NEK10: variants seen among roughly 807,000 people sequenced by gnomAD.
The protein encoded by NEK10 is NIMA related kinase 10, also known as serine/threonine-protein kinase Nek10.
A neutral mutation model predicts 159.8 loss-of-function variants in NEK10; 122 were observed. That is an observed-to-expected ratio of 0.76 (90% confidence interval 0.66 to 0.89). NEK10 has a LOEUF of 0.89. Ranked by LOEUF, NEK10 falls within the 40% of genes least tolerant of loss-of-function variation. The probability of loss-of-function intolerance (pLI) is 0.00; values close to 1 mark genes in which losing one functional copy is unlikely to be tolerated. For missense variants in NEK10, 1,342 were observed against 1,323.1 expected, an observed-to-expected ratio of 1.01 and a Z score of -0.22; for synonymous variants, 466 against 457.1, an observed-to-expected ratio of 1.02 and a Z score of -0.25.
intron 13 of NEK10, 54 bp from the exon 14 acceptor site, chr3:27,297,294 T>C (rs1559454140): frequency 8.6e-7 from 1 of 1,168,288 alleles, no homozygotes; most frequent in East Asian, 2.4e-5. Context: ...AAATATACTA[T>C]CACATAAATA....
chr3:27,299,337 G>A (rs2043616458), intron 13 of NEK10, among the ~76,000 whole-genome samples: 1 of 152,206 alleles, frequency 6.6e-6, no homozygotes, highest in Admixed American at 6.5e-5. Flanking sequence ...ATGTGGTGTT[G>A]AGTCTGCTTG....
chr3:27,308,864 T>C (rs769056060), intron 10 of NEK10, 62 bp downstream of exon 10: 3 of 709,192 alleles, frequency 4.2e-6, no homozygotes, highest in African/African-American at 3.6e-5. Flanking sequence ...TTATTTTGCA[T>C]CCTTACCACC....
chr3:27,315,693 A>C (rs1333316964), intron 6 of NEK10, among the ~76,000 whole-genome samples: 2 of 152,250 alleles, frequency 1.3e-5, no homozygotes, highest in African/African-American at 4.8e-5. Flanking sequence ...TGTAGATGGC[A>C]GGAGTGCTCT....
chr3:27,340,198 T>C (rs912789063), intron 5 of NEK10, among the ~76,000 whole-genome samples: 1 of 152,214 alleles, frequency 6.6e-6, no homozygotes, highest in Non-Finnish European at 1.5e-5. Flanking sequence ...TGAGTTCATG[T>C]CCTTTGCAGA....
intron 22 of NEK10, among the ~76,000 whole-genome samples, chr3:27,262,351 T>A (rs1268643862): frequency 2.0e-5 from 3 of 152,168 alleles, no homozygotes; most frequent in African/African-American, 7.2e-5. Context: ...TGGCGTTCTC[T>A]GTATTTCCTG....
At chr3:27,154,146 A>G (rs1945166457) in intron 30 of NEK10, among the ~76,000 whole-genome samples, 1 of 152,238 alleles carries the variant, frequency 6.6e-6, no homozygotes, top group Non-Finnish European at 1.5e-5. Flanking sequence ...TGGAAATACA[A>G]AACATCATTC....
chr3:27,217,073 C>T (rs1244753495), intron 23 of NEK10, among the ~76,000 whole-genome samples: 3 of 152,108 alleles, frequency 2.0e-5, no homozygotes, highest in African/African-American at 7.2e-5. Context: ...TACTGACAGG[C>T]TTCTTAGAAA....
At chr3:27,171,136 G>C (rs1559547201) in intron 29 of NEK10, among the ~76,000 whole-genome samples, 1 of 152,162 alleles carries the variant, frequency 6.6e-6, no homozygotes, top group Non-Finnish European at 1.5e-5. Flanking sequence ...TGCCAGTGAA[G>C]GTCAGGAGAA....
At chr3:27,192,582 C>A (rs904665671) in intron 25 of NEK10, among the ~76,000 whole-genome samples, 1 of 134,806 alleles carries the variant, frequency 7.4e-6, no homozygotes, top group Admixed American at 7.6e-5. Context: ...TCACTGCCAA[C>A]TCACTGGCAG....
At chr3:27,285,727 G>T (rs1426332478) in intron 20 of NEK10, among the ~76,000 whole-genome samples, 1 of 152,030 alleles carries the variant, frequency 6.6e-6, no homozygotes, top group Non-Finnish European at 1.5e-5. Context: ...TGAAACCTTG[G>T]GATGTATACA....
rs145644088 is a variant in NEK10 at position 27,314,471 on chromosome 3, C to T, written c.448-133G>A. The T allele has an allele frequency of 1.2e-3, 757 of 639,776 alleles. 4 individuals carry two copies. The highest frequency in any genetic ancestry group is 5.2e-3 in the East Asian group (190 of 36,446). 39.6% of individuals were successfully genotyped at this position (639,776 alleles called of 1,614,324 possible). A position where few individuals can be genotyped will look rare whatever the true frequency, so the allele number is the denominator to read the frequency against. On this transcript the variant is annotated intron_variant, in intron 6 of 35. Transcript: ENST00000691995. ...GAAGGTCTACATTCTAATATAAATA[C>T]GGAAAACTTACAGTATGTCATTCAT...
At chr3:27,259,954 C>G (rs1052229994) in intron 22 of NEK10, among the ~76,000 whole-genome samples, 1 of 152,080 alleles carries the variant, frequency 6.6e-6, no homozygotes, top group Non-Finnish European at 1.5e-5. Flanking sequence ...AAGTTGGATT[C>G]CTAGGTATTT....
chr3:27,121,355 T>C (rs1941275701), intron 32 of NEK10, among the ~76,000 whole-genome samples: 1 of 152,138 alleles, frequency 6.6e-6, no homozygotes, highest in Non-Finnish European at 1.5e-5. Flanking sequence ...TTCTTAGAAA[T>C]TTTCATCATC....
chr3:27,162,063 G>A (rs1324647629), intron 30 of NEK10, among the ~76,000 whole-genome samples: 2 of 152,034 alleles, frequency 1.3e-5, no homozygotes, highest in Admixed American at 6.6e-5. Flanking sequence ...TTTGTGTAAG[G>A]GTAGAGGAGA....
intron 30 of NEK10, among the ~76,000 whole-genome samples, chr3:27,150,566 A>G (rs187998550): frequency 3.3e-5 from 5 of 152,330 alleles, no homozygotes; most frequent in Admixed American, 3.3e-4. Context: ...AACTCTTGAG[A>G]TCTACTGCCC....
chr3:27,313,714 G>A (rs758941771), intron 7 of NEK10, among the ~76,000 whole-genome samples: 29 of 151,958 alleles, frequency 1.9e-4, no homozygotes, highest in East Asian at 1.7e-3. Flanking sequence ...TCCAGCCATC[G>A]CCCCTTTTGT....
Position 27,191,303 on chromosome 3 carries a change from A to C in NEK10, c.2505+726T>G, listed in dbSNP as rs76514031. The stretch of plus-strand genomic sequence containing the variant: ...GGGCCCACCCCCAGAACAGGAAAAA[A>C]AAAAAAAGGATGAAAGTCCCCTTAC... On this transcript the variant is annotated intron_variant, in intron 26 of 35. Transcript: ENST00000691995. 2.2e-4 allele frequency among the ~76,000 whole-genome samples: 33 copies of C among 152,314 alleles called. 1 individual carries two copies. The East Asian group carries it at 6.4e-3, about 29-fold the overall frequency.
chr3:27,197,414 G>A (rs757766408), intron 25 of NEK10, among the ~76,000 whole-genome samples: 1 of 152,098 alleles, frequency 6.6e-6, no homozygotes, highest in Non-Finnish European at 1.5e-5. Context: ...GACCTCAGGT[G>A]ATCTGCCTGC....
At chr3:27,205,929 A>G (rs954362749) in intron 23 of NEK10, among the ~76,000 whole-genome samples, 3 of 150,224 alleles carry the variant, frequency 2.0e-5, no homozygotes, top group Admixed American at 6.6e-5. Flanking sequence ...GCAACCTACA[A>G]AATGGGAGAA....
Sources: gnomAD v4.1 joint callset for allele counts (sites outside exome capture counted in the v4.1 genomes callset) on GRCh38, gnomAD v4.1.1 for gene constraint, MANE v1.5 for transcripts, NCBI Gene and HGNC (gene_info 2026-07-23, HGNC 2026-07-21) for gene names.